Variants in CAMKMT observed in about 807,000 individuals in gnomAD.
The protein encoded by CAMKMT is calmodulin-lysine N-methyltransferase.
CAMKMT carries 53 observed loss-of-function variants against 48.0 expected under a neutral mutation model. The ratio of observed to expected loss-of-function variants is 1.10; its 90% CI spans 0.89 to 1.39. CAMKMT has a LOEUF of 1.39. Among genes scored for constraint, CAMKMT ranks in the 40% most tolerant of loss-of-function variants. The pLI, the probability that CAMKMT is intolerant of heterozygous loss-of-function variation, is 0.00. For missense variants in CAMKMT, 428 were observed against 402.7 expected (o/e 1.06, Z -0.54); for synonymous variants, 165 against 152.3 (o/e 1.08, Z -0.61).
Position 44,601,654 on chromosome 2 carries a change from ACT to A in CAMKMT, c.377-102626_377-102625del, listed in dbSNP as rs772783192. ...CAAATAATTCCATATAGGTAAATAA[ACT>A]CTTTCTTACTATTCTCTAAATTCCA... is the stretch of plus-strand genomic sequence containing the variant. On this transcript the variant is annotated intron_variant, in intron 3 of 10. Transcript: ENST00000378494. Among the ~76,000 whole-genome samples the A allele has an allele frequency of 2.1e-3, 322 of 151,616 alleles. 2 individuals are homozygous for A. Among genetic ancestry groups the A allele is most frequent in the Non-Finnish European group, 3.2e-3 (218 of 67,880 alleles).
intron 3 of CAMKMT, among the ~76,000 whole-genome samples, chr2:44,671,703 G>A (rs1353466039): frequency 6.6e-6 from 1 of 152,166 alleles, no homozygotes; most frequent in Non-Finnish European, 1.5e-5. Context: ...AGTATTGTCA[G>A]CTGGTTTGGG....
At chr2:44,483,154 C>T (rs1368252097) in intron 3 of CAMKMT, among the ~76,000 whole-genome samples, 1 of 152,186 alleles carries the variant, frequency 6.6e-6, no homozygotes, top group Admixed American at 6.5e-5. Context: ...TCAGCCCTCT[C>T]TACTCTCTTA....
chr2:44,510,777 A>G lies in CAMKMT; in HGVS notation c.376+120472A>G, dbSNP rs1198248937. 2.6e-5 allele frequency among the ~76,000 whole-genome samples: 4 copies of G among 152,170 alleles called. No individual in the cohort carries two copies. In the East Asian group the frequency reaches 7.7e-4, roughly 29 times the overall value. On this transcript the variant is annotated intron_variant, in intron 3 of 10. Coordinates refer to ENST00000378494, the MANE Select transcript of CAMKMT (RefSeq NM_024766.5). ...CACCTGAACGGTATACACTGTACCCAGTATGTAGTCTTTTATCCCTCACCT... is the reference window on the plus strand; with the variant it reads ...CACCTGAACGGTATACACTGTACCCGGTATGTAGTCTTTTATCCCTCACCT...
At chr2:44,557,970 T>C (rs1668103737) in intron 3 of CAMKMT, among the ~76,000 whole-genome samples, 1 of 152,188 alleles carries the variant, frequency 6.6e-6, no homozygotes, top group Non-Finnish European at 1.5e-5. Context: ...AAGGAAAACT[T>C]ACATAATGAG....
At chr2:44,574,867 A>G (rs1669125326) in intron 3 of CAMKMT, among the ~76,000 whole-genome samples, 3 of 151,612 alleles carry the variant, frequency 2.0e-5, no homozygotes, top group Admixed American at 2.0e-4. Context: ...CAGCCTTCCA[A>G]GTAGCTGGGA....
intron 3 of CAMKMT, among the ~76,000 whole-genome samples, chr2:44,415,128 T>C (rs1444780544): frequency 6.6e-6 from 1 of 152,044 alleles, no homozygotes; most frequent in Non-Finnish European, 1.5e-5. Context: ...TCCAGCCTGG[T>C]GATAGAGTGA....
At chr2:44,654,172 T>C (rs1226482089) in intron 3 of CAMKMT, among the ~76,000 whole-genome samples, 1 of 152,208 alleles carries the variant, frequency 6.6e-6, no homozygotes. Context: ...AGGATTCCTG[T>C]AAATTTCCAA....
intron 3 of CAMKMT, among the ~76,000 whole-genome samples, chr2:44,509,195 T>C (rs1449904647): frequency 6.6e-6 from 1 of 151,992 alleles, no homozygotes; most frequent in Non-Finnish European, 1.5e-5. Flanking sequence ...TGAGCCAGGG[T>C]TTCAGCTCAG....
At chr2:44,428,929 CAG>C in intron 3 of CAMKMT, among the ~76,000 whole-genome samples, 2 of 152,326 alleles carry the variant, frequency 1.3e-5, no homozygotes, top group East Asian at 3.9e-4. Flanking sequence ...CCCAGCTAAA[CAG>C]AGCAAGAAGT....
chr2:44,363,943 G>T (rs187320008), intron 1 of CAMKMT, among the ~76,000 whole-genome samples: 35 of 150,054 alleles, frequency 2.3e-4, no homozygotes, highest in East Asian at 2.0e-4. Context: ...CACTTGCCTC[G>T]CCTCCCGAAG....
At chr2:44,453,572 A>G (rs941986100) in intron 3 of CAMKMT, among the ~76,000 whole-genome samples, 1 of 152,102 alleles carries the variant, frequency 6.6e-6, no homozygotes, top group Non-Finnish European at 1.5e-5. Context: ...AAATTCAGCT[A>G]GTGGGATAAT....
At chr2:44,547,234 A>C (rs943573684) in intron 3 of CAMKMT, among the ~76,000 whole-genome samples, 2 of 152,224 alleles carry the variant, frequency 1.3e-5, no homozygotes, top group African/African-American at 2.4e-5. Flanking sequence ...GTCCTCTAGC[A>C]GTCACTTGGA....
At chr2:44,373,252 A>G (rs535286560) in intron 2 of CAMKMT, among the ~76,000 whole-genome samples, 1 of 152,194 alleles carries the variant, frequency 6.6e-6, no homozygotes, top group Non-Finnish European at 1.5e-5. Context: ...TTCAAGTAAT[A>G]ATCTGAAAAA....
At chr2:44,597,961 T>A (rs1013827901) in intron 3 of CAMKMT, among the ~76,000 whole-genome samples, 7 of 152,148 alleles carry the variant, frequency 4.6e-5, no homozygotes, top group African/African-American at 1.2e-4. Context: ...GGTCTCGAAC[T>A]CCTGACCTTT....
chr2:44,362,079 C>G lies in CAMKMT; in HGVS notation c.72C>G (p.Gly24=), dbSNP rs769906168. ...CAGCGGGCGGGAGTCCGGCAGTTGG[C>G]TGCACCACTCGGGGGCCCGTAGTCT... ...ARAAGGSPAV[G]CTTRGPVVSA... The change falls in exon 1 of 11, where the codon GGC becomes GGG. Residue 24 remains glycine (G), a synonymous_variant. Transcript: ENST00000378494. 4.9e-5 allele frequency: 71 copies of G among 1,454,646 alleles called. 1 individual carries two copies. In the South Asian group the frequency reaches 8.9e-4, roughly 18 times the overall value. The allele number at this position is 1,454,646 out of a possible 1,614,324, so 90.1% of individuals were successfully genotyped here.
intron 3 of CAMKMT, among the ~76,000 whole-genome samples, chr2:44,417,871 T>G (rs1485712267): frequency 2.6e-5 from 4 of 152,154 alleles, no homozygotes; most frequent in African/African-American, 4.8e-5. Flanking sequence ...TGTCAAATGT[T>G]TTGCCCATTT....
chr2:44,523,724 T>TTGCA (rs1258125422), intron 3 of CAMKMT, among the ~76,000 whole-genome samples: 1 of 151,794 alleles, frequency 6.6e-6, no homozygotes, highest in Non-Finnish European at 1.5e-5. Flanking sequence ...CTTGGACTTC[T>TTGCA]TGCATGATTG....
chr2:44,566,588 A>G (rs1168564897), intron 3 of CAMKMT, among the ~76,000 whole-genome samples: 2 of 152,176 alleles, frequency 1.3e-5, no homozygotes, highest in Non-Finnish European at 2.9e-5. Flanking sequence ...TGATGGTGGA[A>G]GGATCAAGCA....
At chr2:44,522,149 A>C (rs1044946772) in intron 3 of CAMKMT, among the ~76,000 whole-genome samples, 14 of 151,958 alleles carry the variant, frequency 9.2e-5, no homozygotes, top group African/African-American at 2.9e-4. Flanking sequence ...GACTACAGGC[A>C]CATGCCACCA....
Sources: allele counts gnomAD v4.1 joint callset (sites outside exome capture counted in the v4.1 genomes callset), GRCh38; gene constraint gnomAD v4.1.1; transcripts MANE v1.5; gene names NCBI Gene and HGNC (gene_info 2026-07-23, HGNC 2026-07-21).